DRAXIN: variants seen among roughly 807,000 people sequenced by gnomAD.
DRAXIN encodes the protein dorsal repulsive axon guidance protein.
DRAXIN carries 27 observed loss-of-function variants against 33.9 expected under a neutral mutation model. That is an observed-to-expected ratio of 0.80 (90% CI 0.59 to 1.10). The LOEUF (loss-of-function observed/expected upper bound fraction) is 1.10, where lower values mean the gene tolerates loss of function less well. DRAXIN is among the 50% of genes least tolerant of loss of function. The probability of loss-of-function intolerance (pLI) is 0.00; values close to 1 mark genes in which losing one functional copy is unlikely to be tolerated. For missense variants in DRAXIN, 371 were observed against 460.8 expected, an observed-to-expected ratio of 0.81 and a Z score of 1.78; for synonymous variants, 178 against 194.0, an observed-to-expected ratio of 0.92 and a Z score of 0.69.
chr1:11,715,063 G>T, intron 5 of DRAXIN, 56 bp from the exon 6 acceptor site: 1 of 1,593,306 alleles, frequency 6.3e-7, no homozygotes. Flanking sequence ...CGAGTGCAGG[G>T]CTGCGGGGAG....
chr1:11,712,569 T>C, intron 5 of DRAXIN, 140 bp downstream of exon 5: 1 of 794,062 alleles, frequency 1.3e-6, no homozygotes, highest in South Asian at 1.6e-5. Flanking sequence ...AGCTGCCACT[T>C]TCCTGAGAGT....
Position 11,706,598 on chromosome 1 carries a change from G to A in DRAXIN, c.340G>A (p.Gly114Arg), listed in dbSNP as rs1275287034. Reference protein sequence around the residue: ...GLLQDKDLLLGLALPYPEKEN... With the variant: ...GLLQDKDLLLRLALPYPEKEN... ...GCTGCAGGACAAGGACCTGCTCCTG[G>A]GACTGGCATTGCCCTACCCCGAGAA... Residue 114 changes from glycine to arginine, a missense_variant, in exon 2 of 7, where the codon GGA becomes AGA. Physicochemically the swap from Gly to Arg is moderately radical, Grantham distance 125. Coordinates refer to ENST00000294485, the MANE Select transcript of DRAXIN (RefSeq NM_198545.4). The surrounding 1 kb of genome is among the most constrained non-coding windows in gnomAD (Gnocchi z 5.5). The A allele has an allele frequency of 3.7e-6, 6 of 1,605,670 alleles. No individual in the cohort carries two copies. The highest frequency in any genetic ancestry group is 2.2e-5 in the South Asian group (2 of 90,824).
rs1378909849 is a variant in DRAXIN, at chr1:11,722,551, A to C, written c.*2855A>C. ...TGTCTAACCAACCTCTCTGCCAGGA[A>C]GTTCTTCCTTAGGTCTATCTTAAAT... On this transcript the variant is annotated 3_prime_UTR_variant, in exon 7 of 7. Coordinates refer to ENST00000294485, the MANE Select transcript of DRAXIN (RefSeq NM_198545.4). The C allele has an allele frequency of 6.6e-6, 1 of 152,226 alleles. No homozygotes were observed. Among genetic ancestry groups the C allele is most frequent in the Admixed American group, 6.5e-5 (1 of 15,284 alleles). The allele number at this position is 152,226 out of a possible 1,614,324, so 9.4% of individuals were successfully genotyped here. A position where few individuals can be genotyped will look rare whatever the true frequency, so the allele number is the denominator to read the frequency against.
At chr1:11,695,250 A>G (rs1252000825) in intron 1 of DRAXIN, among the ~76,000 whole-genome samples, 1 of 152,154 alleles carries the variant, frequency 6.6e-6, no homozygotes, top group African/African-American at 2.4e-5. Flanking sequence ...TAATGTTCCT[A>G]CACAGCCATT....
chr1:11,693,562 T>C (rs1339106831), intron 1 of DRAXIN, among the ~76,000 whole-genome samples: 1 of 152,198 alleles, frequency 6.6e-6, no homozygotes, highest in Non-Finnish European at 1.5e-5. Context: ...GGCTGAGTTC[T>C]TATTTCAGCC....
chr1:11,703,035 G>A (rs1372250391), intron 1 of DRAXIN, among the ~76,000 whole-genome samples: 1 of 152,202 alleles, frequency 6.6e-6, no homozygotes, highest in East Asian at 1.9e-4. Context: ...GAGCAACTGT[G>A]CCCGGCCTGA....
Position 11,704,745 on chromosome 1 carries a change from G to C in DRAXIN, c.-10-1504G>C, listed in dbSNP as rs368495448. Among the ~76,000 whole-genome samples, 3 of 152,208 alleles carry C rather than the reference G, an allele frequency of 2.0e-5. No individual in the cohort carries two copies. Among genetic ancestry groups the C allele is most frequent in the Non-Finnish European group, 4.4e-5 (3 of 68,028 alleles). On this transcript the variant is annotated intron_variant, in intron 1 of 6. Coordinates refer to ENST00000294485, the MANE Select transcript of DRAXIN (RefSeq NM_198545.4). This position sits in a 1 kb window ranked among gnomAD's most constrained non-coding sequence, Gnocchi z 4.6. The stretch of plus-strand genomic sequence containing the variant: ...ACCTAGTATCTTCAGCCAGATCCCC[G>C]GGATAGGGGACAAGATGGAAAGTGA...
intron 3 of DRAXIN, among the ~76,000 whole-genome samples, chr1:11,710,356 A>T (rs1247128101): frequency 6.7e-6 from 1 of 149,034 alleles, no homozygotes; most frequent in Non-Finnish European, 1.5e-5. Flanking sequence ...TTAGACAGGC[A>T]TGAGGGCATG....
chr1:11,695,535 G>A (rs1282638650), intron 1 of DRAXIN, among the ~76,000 whole-genome samples: 6 of 151,784 alleles, frequency 4.0e-5, no homozygotes, highest in African/African-American at 1.5e-4. Context: ...GCAGGGAGCA[G>A]AGGCTGCAGT....
At position 11,700,020 on chromosome 1, in the gene DRAXIN, C is replaced by T. The variant is rs146920851; in HGVS notation, c.-10-6229C>T. On this transcript the variant is annotated intron_variant, in intron 1 of 6. Transcript: ENST00000294485. ...TTGGGAGGCCAAGGTGGGTGGATCA[C>T]GAGGTCAGGAGTTCAAGACCAGCCT... 4.4e-3 allele frequency among the ~76,000 whole-genome samples: 665 copies of T among 151,124 alleles called. 1 individual carries two copies. The highest frequency in any genetic ancestry group is 0.015 in the African/African-American group (632 of 41,140).
In DRAXIN at chr1:11,692,118, C is replaced by A. The variant is rs1191056438; in HGVS notation, c.-11+265C>A. Among the ~76,000 whole-genome samples, 2 of 152,164 alleles carry A rather than the reference C, an allele frequency of 1.3e-5. No individual in the cohort carries two copies. The highest frequency in any genetic ancestry group is 2.9e-5 in the Non-Finnish European group (2 of 68,020). On this transcript the variant is annotated intron_variant, in intron 1 of 6. Transcript: ENST00000294485. The surrounding 1 kb of genome is among the most constrained non-coding windows in gnomAD (Gnocchi z 5.8). ...CCGTCCACCTACCGCTGGACGCCCA[C>A]TTTTCCACGCTCTGACACTCGGCCT...
At chr1:11,688,980 C>T (rs144132216), upstream of DRAXIN, among the ~76,000 whole-genome samples, 549 of 152,288 alleles carry the variant, frequency 3.6e-3, 7 homozygotes, top group African/African-American at 0.013. This position sits in a 1 kb window ranked among gnomAD's most constrained non-coding sequence, Gnocchi z 4.6. Context: ...AACATCAGGA[C>T]GTTACCCTAT....
At position 11,706,245 on chromosome 1, in the gene DRAXIN, G is replaced by A; in HGVS notation, c.-10-4G>A. Reference sequence around the variant, plus strand: ...GCGCATTCATGGTGTTGCTCTTCTTGCAGGGAGGAGCCAATGGCTGGGCCT... The same window carrying A: ...GCGCATTCATGGTGTTGCTCTTCTTACAGGGAGGAGCCAATGGCTGGGCCT... On this transcript the variant is annotated splice_polypyrimidine_tract_variant and splice_region_variant and intron_variant, in intron 1 of 6. Coordinates refer to ENST00000294485, the MANE Select transcript of DRAXIN (RefSeq NM_198545.4). The surrounding 1 kb of genome is among the most constrained non-coding windows in gnomAD (Gnocchi z 5.5). The A allele has an allele frequency of 6.4e-7, 1 of 1,568,860 alleles. No individual in the cohort carries two copies. Among genetic ancestry groups the A allele is most frequent in the African/African-American group, 1.4e-5 (1 of 73,948 alleles).
In DRAXIN at chr1:11,715,165, A is replaced by C; in HGVS notation, c.894A>C (p.Arg298=). Residue 298 remains arginine (R), a synonymous_variant, in exon 6 of 7, where the codon CGA becomes CGC. Coordinates refer to ENST00000294485, the MANE Select transcript of DRAXIN (RefSeq NM_198545.4). Reference sequence around the variant, plus strand: ...AGCATCTCTGCACACCCCACAACCGAGGCCTCAACAACAAATGCTTCGATG... The same window carrying C: ...AGCATCTCTGCACACCCCACAACCGCGGCCTCAACAACAAATGCTTCGATG... ...LREHLCTPHN[R]GLNNKCFDDC... is the part of the protein sequence containing the mutation. The C allele has an allele frequency of 6.2e-7, 1 of 1,614,256 alleles. No individual in the cohort carries two copies. Among genetic ancestry groups the C allele is most frequent in the Non-Finnish European group, 8.5e-7 (1 of 1,180,054 alleles).
At position 11,711,981 on chromosome 1, in the gene DRAXIN, C is replaced by T. The variant is rs370652419; in HGVS notation, c.757+16C>T. The T allele has an allele frequency of 1.4e-5, 22 of 1,601,788 alleles. No homozygotes were observed. The highest frequency in any genetic ancestry group is 1.7e-5 in the Non-Finnish European group (20 of 1,172,846). On this transcript the variant is annotated intron_variant, in intron 4 of 6. Transcript: ENST00000294485. ...AAGAAGAAAGGTATGCCCACCTACCCCACTATCTTCCATGCCTGGGTGCCC... is the reference window on the plus strand; with the variant it reads ...AAGAAGAAAGGTATGCCCACCTACCTCACTATCTTCCATGCCTGGGTGCCC...
intron 3 of DRAXIN, among the ~76,000 whole-genome samples, chr1:11,711,477 G>A (rs1241934958): frequency 6.6e-6 from 1 of 152,220 alleles, no homozygotes; most frequent in African/African-American, 2.4e-5. Flanking sequence ...GAAGGGATGG[G>A]AAAGTCCAGT....
At chr1:11,718,744 G>C (rs1467423535) in intron 6 of DRAXIN, among the ~76,000 whole-genome samples, 6 of 152,062 alleles carry the variant, frequency 3.9e-5, no homozygotes, top group East Asian at 1.9e-4. Flanking sequence ...CTGGGATTAC[G>C]GGTGTGAGCC....
rs1429949899 is a variant in DRAXIN, at chr1:11,706,189, A to C, written c.-10-60A>C. On this transcript the variant is annotated intron_variant, in intron 1 of 6. Transcript: ENST00000294485. This position sits in a 1 kb window ranked among gnomAD's most constrained non-coding sequence, Gnocchi z 5.5. Reference sequence around the variant, plus strand: ...AGAAAAACTGGGCTTTAATCATTTGAGTGAGGGGCAGCAGAGAGAGGCCTG... The same window carrying C: ...AGAAAAACTGGGCTTTAATCATTTGCGTGAGGGGCAGCAGAGAGAGGCCTG... 1 of 1,411,012 alleles carries C rather than the reference A, an allele frequency of 7.1e-7. No individual in the cohort carries two copies. Among genetic ancestry groups the C allele is most frequent in the Non-Finnish European group, 9.4e-7 (1 of 1,063,294 alleles). 87.4% of individuals were successfully genotyped at this position (1,411,012 alleles called of 1,614,324 possible).
rs547998371 is a variant in DRAXIN at position 11,713,871 on chromosome 1, A to G, written c.848-1248A>G. On this transcript the variant is annotated intron_variant, in intron 5 of 6. Coordinates refer to ENST00000294485, the MANE Select transcript of DRAXIN (RefSeq NM_198545.4). ...CTGGCCATGAAACCCCATCTCTACT[A>G]AAAATACAAAAATTAGCCGGGCATG... 6.6e-5 allele frequency among the ~76,000 whole-genome samples: 10 copies of G among 152,268 alleles called. 1 individual carries two copies. The South Asian group carries it at 1.9e-3, about 28-fold the overall frequency.
Sources: allele counts gnomAD v4.1 joint callset (sites outside exome capture counted in the v4.1 genomes callset), GRCh38; gene constraint gnomAD v4.1.1; non-coding constraint Gnocchi (gnomAD v3.1); transcripts MANE v1.5; gene names NCBI Gene and HGNC (gene_info 2026-07-23, HGNC 2026-07-21).